The following NDUFS3 variants were observed in gnomAD, a reference collection of about 807,000 sequenced individuals.
NDUFS3 encodes NADH dehydrogenase [ubiquinone] iron-sulfur protein 3, mitochondrial.
NDUFS3 carries 19 observed loss-of-function variants against 30.8 expected under a neutral mutation model. That is an observed-to-expected ratio of 0.62 (90% confidence interval 0.43 to 0.91). The LOEUF (loss-of-function observed/expected upper bound fraction) is 0.91. Among genes scored for constraint, NDUFS3 ranks in the 40% least tolerant of loss-of-function variants. The pLI, the probability that NDUFS3 is intolerant of heterozygous loss-of-function variation, is 0.00. For synonymous variants in NDUFS3, 153 were observed against 135.8 expected (o/e 1.13, Z -0.88); for missense variants, 331 against 342.0 (o/e 0.97, Z 0.25).
At chr11:47,581,893 AAAGTGAATAGCAT>A (rs2097268979) in intron 4 of NDUFS3, 182 bp from the exon 5 acceptor site, 2 of 701,518 alleles carry the variant, frequency 2.9e-6, no homozygotes, top group Non-Finnish European at 5.0e-6. Context: ...TATTCCTGAC[AAAGTGAATAGCAT>A]GAGCAAACAC....
At position 47,582,114 on chromosome 11, in the gene NDUFS3, C is replaced by T; in HGVS notation, c.408C>T (p.Arg136=). Residue 136 remains arginine (R), a synonymous_variant, in exon 5 of 7, where the codon CGC becomes CGT. Transcript: ENST00000263774. ...FEIVYNLLSL[R]FNSRIRVKTY... ...TTGTCTACAACCTGTTGTCTCTGCGCTTCAACTCACGGATCCGTGTGAAGA... is the reference window on the plus strand; with the variant it reads ...TTGTCTACAACCTGTTGTCTCTGCGTTTCAACTCACGGATCCGTGTGAAGA... 1 of 1,613,874 alleles carries T rather than the reference C, an allele frequency of 6.2e-7. No homozygotes were observed. The highest frequency in any genetic ancestry group is 8.5e-7 in the Non-Finnish European group (1 of 1,179,964).
intron 4 of NDUFS3, chr11:47,581,316 G>T: frequency 3.0e-6 from 1 of 334,058 alleles, no homozygotes; most frequent in Non-Finnish European, 5.8e-6. Context: ...ACCACGCCCG[G>T]CTAATTTTTT....
rs753129837 is a variant in NDUFS3, at chr11:47,580,889, G to A, written c.286G>A (p.Val96Met). The change falls in exon 4 of 7, where the codon GTG (valine) becomes ATG (methionine). Residue 96 changes from valine to methionine, a missense_variant. Transcript: ENST00000263774. ...VCIHPDGVIP[V>M]LTFLRDHTNA... is the part of the protein sequence containing the mutation. ...TATCCATCCTGATGGCGTCATCCCA[G>A]TGCTGACTTTCCTCAGGGATCACAC... 8.1e-6 allele frequency: 13 copies of A among 1,614,060 alleles called. No individual in the cohort carries two copies. The highest frequency in any genetic ancestry group is 1.1e-5 in the Non-Finnish European group (13 of 1,180,044).
chr11:47,581,286 T>C (rs1321858566), intron 4 of NDUFS3: 1 of 389,110 alleles, frequency 2.6e-6, no homozygotes, highest in South Asian at 2.2e-5. Context: ...CTTGAGTAGC[T>C]GGGACTACAG....
At chr11:47,579,415 C>T (rs1266368239) in intron 2 of NDUFS3, 81 bp downstream of exon 2, 2 of 1,551,078 alleles carry the variant, frequency 1.3e-6, no homozygotes, top group South Asian at 1.1e-5. Context: ...GGATGCCCTT[C>T]CCTACGTCCT....
intron 6 of NDUFS3, among the ~76,000 whole-genome samples, chr11:47,583,948 C>T (rs1270002689): frequency 1.3e-5 from 2 of 152,218 alleles, no homozygotes; most frequent in Non-Finnish European, 2.9e-5. Context: ...TAGGTTTACT[C>T]TTTTCAGCCA....
At chr11:47,583,912 G>C (rs115027040) in intron 6 of NDUFS3, among the ~76,000 whole-genome samples, 4,627 of 152,290 alleles carry the variant, frequency 0.03, 247 homozygotes, top group African/African-American at 0.11. Context: ...AAGGGCACCG[G>C]GCCTGAGGTT....
rs2097270208 is a variant in NDUFS3 at position 47,584,443 on chromosome 11, A to G, written c.757A>G (p.Lys253Glu). ...PVYRQPPESL[K>E]LEAGDKKPDA... ...CTATCGCCAACCCCCGGAGAGTCTC[A>G]AGCTTGAAGCCGGAGACAAGAAGCC... The change falls in exon 7 of 7, where the codon AAG becomes GAG. Residue 253 changes from lysine to glutamate, a missense_variant. Lys to Glu is a moderately conservative substitution (Grantham distance 56, BLOSUM62 1). Coordinates refer to ENST00000263774, the MANE Select transcript of NDUFS3 (RefSeq NM_004551.3). 1.9e-6 allele frequency: 3 copies of G among 1,614,118 alleles called. No individual in the cohort carries two copies. The highest frequency in any genetic ancestry group is 2.5e-6 in the Non-Finnish European group (3 of 1,180,034).
rs1456101942 is a variant in NDUFS3, at chr11:47,580,826, T to C, written c.232-9T>C. The C allele has an allele frequency of 2.5e-6, 4 of 1,614,188 alleles. No homozygotes were observed. The highest frequency in any genetic ancestry group is 2.2e-5 in the South Asian group (2 of 91,082). ...TTTGTTCCCTCTCCCCTCACTTTCATGTGTGCAGGTGTCCTGCTTCAATGA... is the reference window on the plus strand; with the variant it reads ...TTTGTTCCCTCTCCCCTCACTTTCACGTGTGCAGGTGTCCTGCTTCAATGA... On this transcript the variant is annotated splice_polypyrimidine_tract_variant and intron_variant, in intron 3 of 6. Transcript: ENST00000263774.
chr11:47,580,568 A>G lies in NDUFS3; in HGVS notation c.177A>G (p.Ser59=). The change falls in exon 3 of 7, where the codon TCA becomes TCG. Residue 59 remains serine (S), a synonymous_variant. Coordinates refer to ENST00000263774, the MANE Select transcript of NDUFS3 (RefSeq NM_004551.3). ...ATGATGTGGCCCACAAGCAGCTCTC[A>G]GCTTTTGGAGAGTATGTGGCTGAAA... ...PRNDVAHKQL[S]AFGEYVAEIL... is the part of the protein sequence containing the mutation. 6.2e-7 allele frequency: 1 copy of G among 1,614,138 alleles called. No individual in the cohort carries two copies. Among genetic ancestry groups the G allele is most frequent in the Non-Finnish European group, 8.5e-7 (1 of 1,180,034 alleles).
chr11:47,583,831 C>A (rs1313905342), intron 6 of NDUFS3, among the ~76,000 whole-genome samples: 2 of 152,220 alleles, frequency 1.3e-5, no homozygotes, highest in African/African-American at 4.8e-5. Context: ...CTTACCTTAT[C>A]CATTTGATCC....
In NDUFS3 at chr11:47,579,135, T is replaced by C. The variant is rs1309497712; in HGVS notation, c.44T>C (p.Leu15Ser). Residue 15 changes from leucine (L) to serine (S), a missense_variant, in exon 1 of 7, where the codon TTG (leucine) becomes TCG (serine). Leu to Ser is a moderately radical substitution (Grantham distance 145). Coordinates refer to ENST00000263774, the MANE Select transcript of NDUFS3 (RefSeq NM_004551.3). The part of the protein sequence containing the change: ...AVARLWWRGI[L>S]GASALTRGTG... The stretch of plus-strand genomic sequence containing the variant: ...GCCAGGCTGTGGTGGCGCGGGATCT[T>C]GGGGGCCTCGGCGCTGACCAGGGGT... 5 of 1,599,774 alleles carry C rather than the reference T, an allele frequency of 3.1e-6. No individual in the cohort carries two copies. In the African/African-American group the frequency reaches 6.7e-5, roughly 21 times the overall value.
intron 1 of NDUFS3, 51 bp from the exon 2 acceptor site, chr11:47,579,218 A>C (rs961899935): frequency 2.1e-5 from 34 of 1,613,764 alleles, no homozygotes; most frequent in East Asian, 4.5e-5. Flanking sequence ...CAGTGCAGAG[A>C]GCTCCTCAGG....
chr11:47,583,298 G>T (rs538485324), intron 6 of NDUFS3, among the ~76,000 whole-genome samples: 1 of 152,028 alleles, frequency 6.6e-6, no homozygotes, highest in East Asian at 1.9e-4. Context: ...TCATCTGCCC[G>T]CCTCAGCTTC....
intron 6 of NDUFS3, among the ~76,000 whole-genome samples, chr11:47,582,907 G>A (rs2097269426): frequency 6.6e-6 from 1 of 152,106 alleles, no homozygotes; most frequent in South Asian, 2.1e-4. Flanking sequence ...TGAGGTGGGA[G>A]GATCGCTTGA....
In NDUFS3 at chr11:47,580,861, C is replaced by T. The variant is rs768547719; in HGVS notation, c.258C>T (p.Val86=). 6.2e-7 allele frequency: 1 copy of T among 1,614,204 alleles called. No homozygotes were observed. Among genetic ancestry groups the T allele is most frequent in the South Asian group, 1.1e-5 (1 of 91,090 alleles). The change falls in exon 4 of 7, where the codon GTC becomes GTT. Residue 86 remains valine, a synonymous_variant. Coordinates refer to ENST00000263774, the MANE Select transcript of NDUFS3 (RefSeq NM_004551.3). ...TGTCCTGCTTCAATGAGTTAGAGGT[C>T]TGTATCCATCCTGATGGCGTCATCC... is the stretch of plus-strand genomic sequence containing the variant. ...VQVSCFNELE[V]CIHPDGVIPV...
intron 3 of NDUFS3, 23 bp downstream of exon 3, chr11:47,580,645 G>C: frequency 1.9e-6 from 3 of 1,611,336 alleles, no homozygotes; most frequent in East Asian, 2.2e-5. Flanking sequence ...AATGTTATTT[G>C]GGTCTGGGTC....
chr11:47,579,984 G>GAC (rs36201718), intron 2 of NDUFS3, among the ~76,000 whole-genome samples: 7,362 of 139,104 alleles, frequency 0.053, 216 homozygotes, highest in Non-Finnish European at 0.069. Context: ...TTTTCTCATT[G>GAC]ACACACACAC....
At chr11:47,581,130 G>T in intron 4 of NDUFS3, 146 bp downstream of exon 4, 1 of 950,102 alleles carries the variant, frequency 1.1e-6, no homozygotes, top group Non-Finnish European at 1.7e-6. Context: ...ATGGCTGTGG[G>T]ACCTCAGATA....
Sources: gnomAD v4.1 joint callset for allele counts (sites outside exome capture counted in the v4.1 genomes callset) on GRCh38, gnomAD v4.1.1 for gene constraint, MANE v1.5 for transcripts, NCBI Gene and HGNC (gene_info 2026-07-23, HGNC 2026-07-21) for gene names.